SRGAP1: variants seen among roughly 807,000 people sequenced by gnomAD.
SRGAP1 encodes the protein SLIT-ROBO Rho GTPase activating protein 1.
SRGAP1 carries 43 observed loss-of-function variants against 121.9 expected under a neutral mutation model. That is an observed-to-expected ratio of 0.35 (90% CI 0.28 to 0.46). The LOEUF (loss-of-function observed/expected upper bound fraction) is 0.46, where lower values mean the gene tolerates loss of function less well. Ranked by LOEUF, SRGAP1 falls within the 20% of genes least tolerant of loss-of-function variation. SRGAP1 has a pLI of 1.00. For missense variants in SRGAP1, 1,102 were observed against 1,350.9 expected (o/e 0.82, Z 2.89); for synonymous variants, 447 against 485.4 (o/e 0.92, Z 1.04).
At chr12:63,973,524 A>G (rs1272023657) in intron 1 of SRGAP1, among the ~76,000 whole-genome samples, 2 of 152,214 alleles carry the variant, frequency 1.3e-5, no homozygotes, top group Non-Finnish European at 2.9e-5. Context: ...AATGAGATAA[A>G]CTGTATCAAG....
intron 6 of SRGAP1, among the ~76,000 whole-genome samples, chr12:64,056,145 T>C (rs1345666868): frequency 3.3e-5 from 5 of 152,190 alleles, no homozygotes; most frequent in South Asian, 2.1e-4. Context: ...TCCACACATA[T>C]AAATTCATCA....
At chr12:63,869,606 G>C (rs1013015604) in intron 1 of SRGAP1, among the ~76,000 whole-genome samples, 1 of 151,952 alleles carries the variant, frequency 6.6e-6, no homozygotes, top group African/African-American at 2.4e-5. Flanking sequence ...TTTTTCCTGC[G>C]TTCATCTATA....
At chr12:64,096,703 G>A (rs1455466182) in intron 14 of SRGAP1, among the ~76,000 whole-genome samples, 1 of 152,132 alleles carries the variant, frequency 6.6e-6, no homozygotes, top group Non-Finnish European at 1.5e-5. Flanking sequence ...GTCTGCCTCT[G>A]CTCAAGACAG....
chr12:63,902,015 G>A (rs1274396293), intron 1 of SRGAP1, among the ~76,000 whole-genome samples: 1 of 152,200 alleles, frequency 6.6e-6, no homozygotes, highest in East Asian at 1.9e-4. Context: ...ATCAAGACAT[G>A]TTTTACAGAA....
intron 1 of SRGAP1, among the ~76,000 whole-genome samples, chr12:63,947,162 A>G (rs1010681586): frequency 6.6e-6 from 1 of 152,216 alleles, no homozygotes; most frequent in Non-Finnish European, 1.5e-5. Context: ...TAGGAGTAGA[A>G]TAGCCAGATC....
rs558235559 is a variant in SRGAP1, at chr12:64,024,239, G to T, written c.489+7227G>T. 3.3e-5 allele frequency among the ~76,000 whole-genome samples: 5 copies of T among 152,106 alleles called. No homozygotes were observed. The South Asian group carries it at 1.0e-3, about 32-fold the overall frequency. ...TTGAGCCCAGTTCAAGACCAGCCTGGGCAACATGGCAAAAACCTGTCTCTC... is the reference window on the plus strand; with the variant it reads ...TTGAGCCCAGTTCAAGACCAGCCTGTGCAACATGGCAAAAACCTGTCTCTC... On this transcript the variant is annotated intron_variant, in intron 4 of 21. Transcript: ENST00000355086.
chr12:63,983,272 A>T (rs1440681025), intron 1 of SRGAP1: 1 of 152,202 alleles, frequency 6.6e-6, no homozygotes, highest in East Asian at 1.9e-4. Context: ...TTTGCCATTC[A>T]AACTCAAAAG....
At position 64,144,991 on chromosome 12, in the gene SRGAP1, C is replaced by CAGCTAAT. The variant is rs2037028397; in HGVS notation, c.*2320_*2326dup. On this transcript the variant is annotated 3_prime_UTR_variant, in exon 22 of 22. Coordinates refer to ENST00000355086, the MANE Select transcript of SRGAP1 (RefSeq NM_020762.4). ...GGATTACAGGCGCCACCACCACGCC[C>CAGCTAAT]AGCTAATTTTTGTATTTTTAGTAGA... 1 of 151,752 alleles carries CAGCTAAT rather than the reference C, an allele frequency of 6.6e-6. No individual in the cohort carries two copies. The highest frequency in any genetic ancestry group is 2.1e-4 in the South Asian group (1 of 4,808). The allele number at this position is 151,752 out of a possible 1,614,324, so 9.4% of individuals were successfully genotyped here.
rs146877155 is a variant in SRGAP1, at chr12:64,143,465, C to A, written c.*793C>A. ...GATTAGAAGGGTTTAATTTTAAAGA[C>A]TTTCTGGTTACACTACTCCACGAAC... On this transcript the variant is annotated 3_prime_UTR_variant, in exon 22 of 22. Coordinates refer to ENST00000355086, the MANE Select transcript of SRGAP1 (RefSeq NM_020762.4). The A allele has an allele frequency of 2.8e-3, 422 of 152,320 alleles. 1 individual carries two copies. Among genetic ancestry groups the A allele is most frequent in the Middle Eastern group, 0.01 (3 of 294 alleles). The allele number at this position is 152,320 out of a possible 1,614,324, so 9.4% of individuals were successfully genotyped here. A position where few individuals can be genotyped will look rare whatever the true frequency, so the allele number is the denominator to read the frequency against.
At chr12:64,067,473 A>G (rs1325256275) in intron 8 of SRGAP1, among the ~76,000 whole-genome samples, 1 of 152,122 alleles carries the variant, frequency 6.6e-6, no homozygotes, top group Non-Finnish European at 1.5e-5. Context: ...TAAAACTTAA[A>G]AAGTAATTTT....
chr12:63,941,009 G>C (rs1432987598), intron 1 of SRGAP1, among the ~76,000 whole-genome samples: 1 of 152,154 alleles, frequency 6.6e-6, no homozygotes, highest in Non-Finnish European at 1.5e-5. Context: ...TCTAGAGACC[G>C]AGTGTCAGAA....
At chr12:63,899,818 T>C (rs1900876168) in intron 1 of SRGAP1, among the ~76,000 whole-genome samples, 1 of 152,246 alleles carries the variant, frequency 6.6e-6, no homozygotes, top group Admixed American at 6.5e-5. Flanking sequence ...TTTAAAAATC[T>C]CTATATTATA....
chr12:64,059,000 G>A (rs2035397125), intron 6 of SRGAP1, among the ~76,000 whole-genome samples: 1 of 152,046 alleles, frequency 6.6e-6, no homozygotes, highest in Non-Finnish European at 1.5e-5. Flanking sequence ...AGCACCATAG[G>A]GGTCAGAGAA....
chr12:63,998,064 TTA>T (rs1306675592), intron 3 of SRGAP1, among the ~76,000 whole-genome samples: 1 of 152,150 alleles, frequency 6.6e-6, no homozygotes, highest in Non-Finnish European at 1.5e-5. Flanking sequence ...TTCCCCAGCT[TTA>T]TTCTTCTTTA....
chr12:64,009,827 A>C (rs1035660973), intron 3 of SRGAP1, among the ~76,000 whole-genome samples: 4 of 152,250 alleles, frequency 2.6e-5, no homozygotes, highest in African/African-American at 9.6e-5. Flanking sequence ...TAGCTTCAAT[A>C]CTTAGTTGTG....
In SRGAP1 at chr12:64,114,504, C is replaced by T. The variant is rs112673032; in HGVS notation, c.2145-1310C>T. Among the ~76,000 whole-genome samples, 324 of 152,246 alleles carry T rather than the reference C, an allele frequency of 2.1e-3. 1 individual carries two copies. The highest frequency in any genetic ancestry group is 7.3e-3 in the African/African-American group (302 of 41,540). ...TAGATGGGATTACAGGTGTCCACCACCATACCCAGCTAATTTTTGTATTTT... is the reference window on the plus strand; with the variant it reads ...TAGATGGGATTACAGGTGTCCACCATCATACCCAGCTAATTTTTGTATTTT... On this transcript the variant is annotated intron_variant, in intron 17 of 21. Coordinates refer to ENST00000355086, the MANE Select transcript of SRGAP1 (RefSeq NM_020762.4).
At chr12:64,013,273 A>G (rs1417596193) in intron 3 of SRGAP1, among the ~76,000 whole-genome samples, 1 of 152,158 alleles carries the variant, frequency 6.6e-6, no homozygotes, top group Non-Finnish European at 1.5e-5. Flanking sequence ...TGCTCCCTCC[A>G]CTGTTGCCAT....
chr12:64,103,341 C>T (rs868656376), intron 15 of SRGAP1, among the ~76,000 whole-genome samples: 7 of 152,136 alleles, frequency 4.6e-5, no homozygotes, highest in Admixed American at 1.3e-4. Context: ...TTTTTTAAAA[C>T]TCAATAATAT....
intron 1 of SRGAP1, among the ~76,000 whole-genome samples, chr12:63,890,490 T>C (rs1900542514): frequency 6.6e-6 from 1 of 152,216 alleles, no homozygotes; most frequent in African/African-American, 2.4e-5. Flanking sequence ...GGTTTTGTTG[T>C]GGGAAGCTAG....
Sources: allele counts gnomAD v4.1 joint callset (sites outside exome capture counted in the v4.1 genomes callset), GRCh38; gene constraint gnomAD v4.1.1; transcripts MANE v1.5; gene names NCBI Gene and HGNC (gene_info 2026-07-23, HGNC 2026-07-21).